AGBL5: variants seen among roughly 807,000 people sequenced by gnomAD.
AGBL5 encodes the protein cytosolic carboxypeptidase-like protein 5.
Under a neutral mutation model 88.0 loss-of-function variants are expected in AGBL5, and 51 were observed. That is an observed-to-expected ratio of 0.58 (90% CI 0.46 to 0.73). The LOEUF is 0.73. AGBL5 is among the 30% of genes least tolerant of loss of function. AGBL5 has a pLI of 0.00. For missense variants in AGBL5, 1,031 were observed against 1,162.2 expected (o/e 0.89, Z 1.64); for synonymous variants, 446 against 438.8 (o/e 1.02, Z -0.21).
At chr2:27,059,635 G>A in intron 11 of AGBL5, 1 of 962,940 alleles carries the variant, frequency 1.0e-6, no homozygotes, top group East Asian at 2.6e-5. Flanking sequence ...GGGCTTCAGT[G>A]CATGCTAGGA....
rs532551110 is a variant in AGBL5 at position 27,070,342 on chromosome 2, C to T, written c.*79C>T. ...GAAATATGCTAGTTCCCCTCCAGGC[C>T]GCTGATTCCATGTGACAGCCGTTAA... On this transcript the variant is annotated 3_prime_UTR_variant, in exon 15 of 15. Coordinates refer to ENST00000360131, the MANE Select transcript of AGBL5 (RefSeq NM_021831.6). 2.2e-5 allele frequency: 32 copies of T among 1,455,754 alleles called. No individual in the cohort carries two copies. Among genetic ancestry groups the T allele is most frequent in the Non-Finnish European group, 3.0e-5 (31 of 1,046,420 alleles). 90.2% of individuals were successfully genotyped at this position (1,455,754 alleles called of 1,614,324 possible).
At chr2:27,069,424 C>T in intron 13 of AGBL5, 149 bp from the exon 14 acceptor site, 4 of 1,504,824 alleles carry the variant, frequency 2.7e-6, no homozygotes, top group Admixed American at 2.2e-5. Flanking sequence ...TATTATCTTG[C>T]CTCACCCTCT....
chr2:27,065,986 G>A (rs1668966343), intron 11 of AGBL5, among the ~76,000 whole-genome samples: 1 of 152,178 alleles, frequency 6.6e-6, no homozygotes, highest in Admixed American at 6.5e-5. Flanking sequence ...CAAGCCCAGT[G>A]CAATGGCTCA....
At position 27,059,239 on chromosome 2, in the gene AGBL5, T is replaced by A; in HGVS notation, c.1924T>A (p.Phe642Ile). The A allele has an allele frequency of 1.2e-6, 2 of 1,614,024 alleles. No individual in the cohort carries two copies. The highest frequency in any genetic ancestry group is 1.7e-6 in the Non-Finnish European group (2 of 1,180,014). ...SENTLSRARS[F>I]STGTSAGGSS... ...AAACACCTTGAGTCGGGCACGAAGT[T>A]TTAGCACCGGCACAAGTGCCGGTGG... is the stretch of plus-strand genomic sequence containing the variant. The change falls in exon 11 of 15, where the codon TTT (phenylalanine) becomes ATT (isoleucine). Residue 642 changes from phenylalanine (F) to isoleucine (I), a missense_variant. Phe to Ile is a conservative substitution (Grantham distance 21, BLOSUM62 0). Transcript: ENST00000360131.
chr2:27,057,393 C>T lies in AGBL5; in HGVS notation c.1626C>T (p.Pro542=). 1.2e-6 allele frequency: 2 copies of T among 1,613,994 alleles called. No homozygotes were observed. Among genetic ancestry groups the T allele is most frequent in the Non-Finnish European group, 1.7e-6 (2 of 1,179,940 alleles). ...CHDNGRASPP[P]PPAFPSRYTV... ...ACAATGGGCGTGCCAGCCCCCCTCC[C>T]CCGCCGGCTTTCCCCTCCAGATACA... The change falls in exon 9 of 15, where the codon CCC becomes CCT. Residue 542 remains proline (P), a synonymous_variant. Transcript: ENST00000360131.
chr2:27,068,187 T>C (rs566065990), intron 12 of AGBL5, among the ~76,000 whole-genome samples: 3 of 152,294 alleles, frequency 2.0e-5, no homozygotes, highest in Non-Finnish European at 2.9e-5. Flanking sequence ...CTGTCAACTC[T>C]CCTCAATGGG....
In AGBL5 at chr2:27,055,353, C is replaced by T. The variant is rs890860265; in HGVS notation, c.908+100C>T. 2.8e-5 allele frequency: 40 copies of T among 1,427,564 alleles called. No homozygotes were observed. The Admixed American group carries it at 7.5e-4, about 27-fold the overall frequency. The allele number at this position is 1,427,564 out of a possible 1,614,324, so 88.4% of individuals were successfully genotyped here. On this transcript the variant is annotated intron_variant, in intron 6 of 14. Transcript: ENST00000360131. ...GCCTTCTGGCTTCTGTGTTCCCAGT[C>T]CTCTTGCACCCTAATAAAGGCAAGC... is the stretch of plus-strand genomic sequence containing the variant.
In AGBL5 at chr2:27,067,195, G is replaced by A. The variant is rs752647497; in HGVS notation, c.2090-299G>A. ...TGAGCCTAGGAGGCTGAGGCTCGGT[G>A]AGCCATGATCGTGCCATTGTGCACT... On this transcript the variant is annotated intron_variant, in intron 11 of 14. Transcript: ENST00000360131. 2.9e-4 allele frequency among the ~76,000 whole-genome samples: 44 copies of A among 150,134 alleles called. 1 individual carries two copies. The highest frequency in any genetic ancestry group is 5.6e-4 in the Non-Finnish European group (38 of 67,768).
chr2:27,058,080 A>C (rs551551876), intron 9 of AGBL5, among the ~76,000 whole-genome samples: 374 of 151,484 alleles, frequency 2.5e-3, no homozygotes, highest in African/African-American at 8.9e-3. Context: ...GCCGTCTCAA[A>C]AAAAAAAAAA....
At chr2:27,066,416 G>C (rs916830294) in intron 11 of AGBL5, among the ~76,000 whole-genome samples, 1 of 152,040 alleles carries the variant, frequency 6.6e-6, no homozygotes, top group Non-Finnish European at 1.5e-5. Flanking sequence ...TTTGTCAAGG[G>C]GACTTTCTTG....
chr2:27,059,098 A>G (rs1304789369), intron 10 of AGBL5, 92 bp from the exon 11 acceptor site: 3 of 1,285,414 alleles, frequency 2.3e-6, no homozygotes, highest in African/African-American at 1.5e-5. Context: ...TTTTTACCCC[A>G]GAGGTGAAGC....
chr2:27,054,184 C>A, intron 4 of AGBL5, 125 bp downstream of exon 4: 1 of 1,243,934 alleles, frequency 8.0e-7, no homozygotes, highest in Non-Finnish European at 1.1e-6. Flanking sequence ...ACAGAATGTA[C>A]AGACAGGACT....
chr2:27,055,628 C>A, intron 6 of AGBL5, 54 bp from the exon 7 acceptor site: 1 of 1,515,778 alleles, frequency 6.6e-7, no homozygotes, highest in Non-Finnish European at 9.0e-7. Flanking sequence ...ACACTAGTGT[C>A]TCCTTCACTG....
At chr2:27,054,537 G>C in intron 4 of AGBL5, 93 bp from the exon 5 acceptor site, 1 of 1,270,150 alleles carries the variant, frequency 7.9e-7, no homozygotes. Context: ...TAGGGTGAAG[G>C]ACCAGATTTT....
At position 27,051,696 on chromosome 2, in the gene AGBL5, G is replaced by C. The variant is rs1315814148; in HGVS notation, c.-144G>C. ...GCGGGGTCCCGGCACCGCGGCGCTC[G>C]GGTGTTTTTGGGGGCCCGGGTGGAG... is the stretch of plus-strand genomic sequence containing the variant. On this transcript the variant is annotated 5_prime_UTR_variant, in exon 1 of 15. Transcript: ENST00000360131. 1 of 152,242 alleles carries C rather than the reference G, an allele frequency of 6.6e-6. No homozygotes were observed. The highest frequency in any genetic ancestry group is 2.4e-5 in the African/African-American group (1 of 41,460). The allele number at this position is 152,242 out of a possible 1,614,324, so 9.4% of individuals were successfully genotyped here. A position where few individuals can be genotyped will look rare whatever the true frequency, so the allele number is the denominator to read the frequency against.
Position 27,068,702 on chromosome 2 carries a change from A to G in AGBL5, c.2313A>G (p.Leu771=). The G allele has an allele frequency of 2.5e-6, 4 of 1,614,150 alleles. No individual in the cohort carries two copies. Among genetic ancestry groups the G allele is most frequent in the Non-Finnish European group, 3.4e-6 (4 of 1,180,030 alleles). Reference sequence around the variant, plus strand: ...TCATGGTAATCGGGAAAGGTCTGCTAGGGACTGGAGCTCGGATGCCCTGCA... The same window carrying G: ...TCATGGTAATCGGGAAAGGTCTGCTGGGGACTGGAGCTCGGATGCCCTGCA... ...EAVMVIGKGL[L]GTGARMPCIK... is the part of the protein sequence containing the mutation. The change falls in exon 13 of 15, where the codon CTA becomes CTG. Residue 771 remains leucine, a synonymous_variant. Transcript: ENST00000360131.
At position 27,069,056 on chromosome 2, in the gene AGBL5, G is replaced by C. The variant is rs765117680; in HGVS notation, c.2355+312G>C. The C allele has an allele frequency of 2.2e-6, 3 of 1,369,852 alleles. No homozygotes were observed. The South Asian group carries it at 3.7e-5, about 17-fold the overall frequency. 84.9% of individuals were successfully genotyped at this position (1,369,852 alleles called of 1,614,324 possible). A position where few individuals can be genotyped will look rare whatever the true frequency, so the allele number is the denominator to read the frequency against. ...CCTCTCTTTCTGCCCAGACCTGTCC[G>C]AGGAGAGTTTCCGCCAGGAGGGGTC... On this transcript the variant is annotated intron_variant, in intron 13 of 14. Coordinates refer to ENST00000360131, the MANE Select transcript of AGBL5 (RefSeq NM_021831.6).
At position 27,053,525 on chromosome 2, in the gene AGBL5, G is replaced by GC. The variant is rs1668282140; in HGVS notation, c.342dup (p.Thr115HisfsTer15). On this transcript the variant is annotated frameshift_variant, in exon 3 of 15. Transcript: ENST00000360131. LOFTEE classifies it high-confidence loss of function. The surrounding 1 kb of genome is among the most constrained non-coding windows in gnomAD (Gnocchi z 4.9). Reference sequence around the variant, plus strand: ...GCATGGCCCCCTTTGTGCGCACACTGCCCACCCGGCCACGCTGGGAACGCA... The same window carrying GC: ...GCATGGCCCCCTTTGTGCGCACACTGCCCCACCCGGCCACGCTGGGAACGCA... 6.2e-7 allele frequency: 1 copy of GC among 1,613,924 alleles called. No homozygotes were observed. The highest frequency in any genetic ancestry group is 1.1e-5 in the South Asian group (1 of 91,080).
Position 27,058,543 on chromosome 2 carries a change from C to G in AGBL5, c.1815C>G (p.Ser605Arg), listed in dbSNP as rs144289528. The G allele has an allele frequency of 1.5e-5, 25 of 1,614,048 alleles. No homozygotes were observed. The African/African-American group carries it at 3.3e-4, about 22-fold the overall frequency. The change falls in exon 10 of 15, where the codon AGC becomes AGG. Residue 605 changes from serine (S) to arginine (R), a missense_variant. By Grantham distance (110) the Ser-to-Arg change is moderately radical. This residue lies in a region of AGBL5 where 491 missense variants were observed against 484.0 expected (regional missense o/e 1.01). Coordinates refer to ENST00000360131, the MANE Select transcript of AGBL5 (RefSeq NM_021831.6). ...TACGCAACAGCCGAGGCCTAAGCAG[C>G]ACTCTGAATGTGGGTGTCAACAAGA... ...KHVRNSRGLS[S>R]TLNVGVNKKR...
Sources: gnomAD v4.1 joint callset for allele counts (sites outside exome capture counted in the v4.1 genomes callset) on GRCh38, gnomAD v4.1.1 for gene constraint, gnomAD v4.1.1 regional missense constraint, Gnocchi (gnomAD v3.1) non-coding constraint, MANE v1.5 for transcripts, NCBI Gene and HGNC (gene_info 2026-07-23, HGNC 2026-07-21) for gene names.